Variants in GCNA observed in about 807,000 individuals in gnomAD.
GCNA encodes germ cell nuclear acidic peptidase, also known as germ cell nuclear acidic protein.
In GCNA, 3 loss-of-function variants were observed where a neutral mutation model predicts 38.8. The ratio of observed to expected loss-of-function variants is 0.08; its 90% CI spans 0.04 to 0.20. The LOEUF (loss-of-function observed/expected upper bound fraction) is 0.20, where lower values mean the gene tolerates loss of function less well. Ranked by LOEUF, GCNA falls within the 10% of genes least tolerant of loss-of-function variation. The pLI is 1.00. For synonymous variants in GCNA, 195 were observed against 240.2 expected, an observed-to-expected ratio of 0.81 and a Z score of 1.74; for missense variants, 446 against 578.6, an observed-to-expected ratio of 0.77 and a Z score of 2.35.
intron 6 of GCNA, 129 bp from the exon 7 acceptor site, chrX:71,597,821 G>A (rs2040682577): frequency 4.3e-6 from 2 of 463,453 alleles, no homozygotes; most frequent in South Asian, 6.9e-5. Context: ...CCAAAGGAGG[G>A]GAACAGAGTT....
chrX:71,580,703 T>C, intron 1 of GCNA, 117 bp from the exon 2 acceptor site: 1 of 595,210 alleles, frequency 1.7e-6, no homozygotes, highest in Non-Finnish European at 2.7e-6. Flanking sequence ...CTCGATCTCA[T>C]GACATTGTGA....
At chrX:71,597,889 T>C (rs2040683021) in intron 6 of GCNA, 61 bp from the exon 7 acceptor site, 29 of 922,688 alleles carry the variant, frequency 3.1e-5, no homozygotes, top group Non-Finnish European at 4.5e-5. Flanking sequence ...AGAAATGCCA[T>C]GAAAAAGAAG....
Position 71,603,818 on chromosome X carries a change from G to A in GCNA, c.541G>A (p.Asp181Asn), listed in dbSNP as rs773202240. The A allele has an allele frequency of 1.1e-5, 13 of 1,207,140 alleles. No individual in the cohort carries two copies. The Admixed American group carries it at 2.4e-4, about 22-fold the overall frequency. ...CAGTGATGATTCGGAAGCTCCCGAC[G>A]ACAATAGTGATGATTCGGATGTTCC... is the stretch of plus-strand genomic sequence containing the variant. ...DNSDDSEAPD[D>N]NSDDSDVPDD... Residue 181 changes from aspartate (D) to asparagine (N), a missense_variant, in exon 8 of 13, where the codon GAC (aspartate) becomes AAC (asparagine). Physicochemically the swap from Asp to Asn is conservative, Grantham distance 23. Transcript: ENST00000373696.
chrX:71,601,319 G>A (rs1021875598), intron 7 of GCNA, among the ~76,000 whole-genome samples: 3 of 109,006 alleles, frequency 2.8e-5, no homozygotes, highest in East Asian at 2.9e-4. Flanking sequence ...CCAGCCTGGC[G>A]GCAGAGCAAG....
chrX:71,603,930 A>G lies in GCNA; in HGVS notation c.653A>G (p.Lys218Arg), dbSNP rs138572604. The part of the protein sequence containing the change: ...NSDDSDVPDD[K>R]SDDSDVPDDS... ...GATGATTCGGATGTTCCCGACGACA[A>G]GAGTGATGATTCGGATGTTCCCGAC... Residue 218 changes from lysine (K) to arginine (R), a missense_variant, in exon 8 of 13, where the codon AAG (lysine) becomes AGG (arginine). Lys to Arg is a conservative substitution (Grantham distance 26). This residue lies in a region of GCNA where 118 missense variants were observed against 122.8 expected (regional missense o/e 0.96). Transcript: ENST00000373696. 8.5e-5 allele frequency: 103 copies of G among 1,205,778 alleles called. 1 individual carries two copies. The highest frequency in any genetic ancestry group is 1.0e-4 in the Non-Finnish European group (93 of 893,151).
intron 8 of GCNA, 24 bp from the exon 9 acceptor site, chrX:71,605,639 C>G (rs1241002020): frequency 5.9e-6 from 7 of 1,187,468 alleles, no homozygotes; most frequent in Non-Finnish European, 8.0e-6. Flanking sequence ...TACAAGTAAC[C>G]TATTATTTTT....
chrX:71,608,874 G>C, intron 9 of GCNA, 99 bp from the exon 10 acceptor site: 12 of 986,087 alleles, frequency 1.2e-5, no homozygotes, highest in Non-Finnish European at 1.6e-5. Context: ...GGATGGAAGA[G>C]GGAGCAACAT....
chrX:71,584,198 A>G (rs2040567929), intron 2 of GCNA, among the ~76,000 whole-genome samples: 1 of 110,981 alleles, frequency 9.0e-6, no homozygotes, highest in African/African-American at 3.3e-5. Context: ...AGCATAGGAA[A>G]ATCCAGTTTA....
chrX:71,598,394 A>G (rs1040145612), intron 7 of GCNA, among the ~76,000 whole-genome samples: 10 of 111,724 alleles, frequency 9.0e-5, no homozygotes, highest in African/African-American at 1.3e-4. Context: ...TCCCCGCTCT[A>G]TGTGTGGGAA....
chrX:71,596,228 A>AATAC (rs1292851822), intron 6 of GCNA, among the ~76,000 whole-genome samples: 4 of 111,952 alleles, frequency 3.6e-5, no homozygotes, highest in Non-Finnish European at 7.5e-5. Flanking sequence ...TAAATAAATA[A>AATAC]ATAAAGTCAG....
chrX:71,612,242 C>T, intron 11 of GCNA, 113 bp from the exon 12 acceptor site: 2 of 601,877 alleles, frequency 3.3e-6, no homozygotes, highest in Non-Finnish European at 4.9e-6. Context: ...CATGCCATTA[C>T]ACTCCAGCCT....
At chrX:71,597,391 C>T (rs1041101271) in intron 6 of GCNA, among the ~76,000 whole-genome samples, 1 of 111,281 alleles carries the variant, frequency 9.0e-6, no homozygotes, top group East Asian at 2.8e-4. Context: ...CAGGATTAGC[C>T]GAGGATGAGG....
chrX:71,581,196 A>G (rs1405696494), intron 2 of GCNA, among the ~76,000 whole-genome samples: 2 of 112,427 alleles, frequency 1.8e-5, no homozygotes, highest in Non-Finnish European at 3.8e-5. Flanking sequence ...CCACGCCAGT[A>G]TCGATAGTGC....
intron 8 of GCNA, among the ~76,000 whole-genome samples, chrX:71,605,098 C>T (rs1023922211): frequency 3.6e-5 from 4 of 112,399 alleles, no homozygotes; most frequent in South Asian, 3.7e-4. Flanking sequence ...TTCCCTACCC[C>T]GTCCCGGTAG....
rs200142932 is a variant in GCNA at position 71,591,956 on chromosome X, T to G, written c.60-166T>G. Among the ~76,000 whole-genome samples the G allele has an allele frequency of 1.4e-4, 16 of 112,730 alleles. No homozygotes were observed. The East Asian group carries it at 4.4e-3, about 31-fold the overall frequency. On this transcript the variant is annotated intron_variant, in intron 2 of 12. Coordinates refer to ENST00000373696, the MANE Select transcript of GCNA (RefSeq NM_052957.5). ...ATTGCTTCCAATTTTTGTTCACTTG[T>G]GCTGTTGTGATCCTAATTTCCTAAG... is the stretch of plus-strand genomic sequence containing the variant.
chrX:71,583,746 G>A (rs2147708713), intron 2 of GCNA, among the ~76,000 whole-genome samples: 1 of 94,767 alleles, frequency 1.1e-5, no homozygotes, highest in East Asian at 3.2e-4. Flanking sequence ...TGTCAAGGCT[G>A]GAGTGCAGTG....
chrX:71,593,060 A>G (rs746707259), intron 4 of GCNA, among the ~76,000 whole-genome samples: 2 of 110,718 alleles, frequency 1.8e-5, no homozygotes, highest in Admixed American at 1.9e-4. Flanking sequence ...TGCCTGGCTA[A>G]TTTTTGTATT....
Position 71,610,757 on chromosome X carries a change from G to C in GCNA, c.1688G>C (p.Trp563Ser). 8.2e-7 allele frequency: 1 copy of C among 1,212,460 alleles called. No homozygotes were observed. Among genetic ancestry groups the C allele is most frequent in the Non-Finnish European group, 1.1e-6 (1 of 895,622 alleles). ...TAGLCSTGEM[W>S]YPKWRRFAKI... The stretch of plus-strand genomic sequence containing the variant: ...GGCTTATGCAGCACTGGTGAGATGT[G>C]GTACCCAAAGTGGCGGCGCTTTGCC... Residue 563 changes from tryptophan to serine, a missense_variant, in exon 11 of 13, where the codon TGG (tryptophan) becomes TCG (serine). By Grantham distance (177) the Trp-to-Ser change is radical (BLOSUM62 -3). Transcript: ENST00000373696.
chrX:71,605,551 G>A, intron 8 of GCNA, 112 bp from the exon 9 acceptor site: 1 of 545,886 alleles, frequency 1.8e-6, no homozygotes, highest in Non-Finnish European at 3.0e-6. Flanking sequence ...GTTTAGAGAA[G>A]TTGCACTGGG....
Sources: gnomAD v4.1 joint callset for allele counts (sites outside exome capture counted in the v4.1 genomes callset) on GRCh38, gnomAD v4.1.1 for gene constraint, gnomAD v4.1.1 regional missense constraint, MANE v1.5 for transcripts, NCBI Gene and HGNC (gene_info 2026-07-23, HGNC 2026-07-21) for gene names.